Variants in AFG2A observed in about 807,000 individuals in gnomAD.
The protein encoded by AFG2A is AAA ATPase AFG2A, also known as ATPase family gene 2 protein homolog A.
the AFG2A span, among the ~76,000 whole-genome samples, chr4:122,953,497 C>G: frequency 6.6e-6 from 1 of 152,386 alleles, no homozygotes; most frequent in Non-Finnish European, 1.5e-5. Context: ...CATGTGGCCT[C>G]TGGTCCCCAG....
At chr4:123,196,005 TG>T in the AFG2A span, among the ~76,000 whole-genome samples, 2 of 15,156 alleles carry the variant, frequency 1.3e-4, no homozygotes, top group African/African-American at 1.2e-3. Context: ...TTACCATCCT[TG>T]TTTTTTTTTT....
chr4:122,996,728 A>G, the AFG2A span, among the ~76,000 whole-genome samples: 1 of 152,068 alleles, frequency 6.6e-6, no homozygotes, highest in East Asian at 1.9e-4. Context: ...TGTAGAAGGT[A>G]GTGTGACTCA....
chr4:122,981,995 C>A, the AFG2A span, among the ~76,000 whole-genome samples: 2 of 150,732 alleles, frequency 1.3e-5, no homozygotes, highest in African/African-American at 2.4e-5. Context: ...CTTTTTATTT[C>A]TTTTTCTTGC....
the AFG2A span, among the ~76,000 whole-genome samples, chr4:123,107,670 T>C: frequency 2.0e-4 from 30 of 152,314 alleles, no homozygotes; most frequent in Admixed American, 1.4e-3. Context: ...TCACCAGGAA[T>C]GTGCCATCCA....
At chr4:123,151,074 A>G in the AFG2A span, among the ~76,000 whole-genome samples, 1,055 of 152,330 alleles carry the variant, frequency 6.9e-3, 6 homozygotes, top group African/African-American at 0.023. Context: ...ATATGCAGAA[A>G]AAATGAAACT....
chr4:123,152,378 G>A, the AFG2A span, among the ~76,000 whole-genome samples: 2 of 152,186 alleles, frequency 1.3e-5, no homozygotes, highest in Admixed American at 6.5e-5. Context: ...ATAAAGGACT[G>A]TTATCCAAAA....
chr4:122,984,685 T>G, the AFG2A span, among the ~76,000 whole-genome samples: 1 of 152,244 alleles, frequency 6.6e-6, no homozygotes, highest in Non-Finnish European at 1.5e-5. Flanking sequence ...TGTTGAGTAC[T>G]TTTTCTGCAT....
chr4:123,005,151 TTTC>T, the AFG2A span, among the ~76,000 whole-genome samples: 1 of 152,258 alleles, frequency 6.6e-6, no homozygotes, highest in East Asian at 1.9e-4. Context: ...ATTGCCTTTC[TTTC>T]TTCTTTTTTT....
chr4:122,947,391 G>T, the AFG2A span: 1 of 1,614,018 alleles, frequency 6.2e-7, no homozygotes, highest in Non-Finnish European at 8.5e-7. Context: ...TGCTTCGAAG[G>T]GTACCCCATT....
chr4:122,988,455 G>C, the AFG2A span, among the ~76,000 whole-genome samples: 5 of 147,626 alleles, frequency 3.4e-5, no homozygotes, highest in African/African-American at 5.0e-5. Flanking sequence ...CTGGAGGGTA[G>C]TAGTGTGATC....
chr4:122,978,403 G>A, the AFG2A span, among the ~76,000 whole-genome samples: 2 of 152,242 alleles, frequency 1.3e-5, no homozygotes, highest in Admixed American at 6.5e-5. Context: ...ATCCCAGTGA[G>A]TCTGGCTGAG....
chr4:123,233,550 C>A, the AFG2A span, among the ~76,000 whole-genome samples: 1 of 151,940 alleles, frequency 6.6e-6, no homozygotes, highest in African/African-American at 2.4e-5. Context: ...ACTGACTTGC[C>A]AAGTTAAGTA....
the AFG2A span, among the ~76,000 whole-genome samples, chr4:123,083,779 CT>C: frequency 1.1e-4 from 16 of 151,680 alleles, no homozygotes; most frequent in Non-Finnish European, 2.2e-4. Context: ...CTGTAGTTTT[CT>C]TTTTTTGTGA....
the AFG2A span, among the ~76,000 whole-genome samples, chr4:123,148,899 G>A: frequency 1.3e-5 from 2 of 151,814 alleles, no homozygotes; most frequent in Non-Finnish European, 2.9e-5. Context: ...CTCCCGAGTA[G>A]CTGGGATTAC....
chr4:123,296,930 C>T, the AFG2A span, among the ~76,000 whole-genome samples: 1 of 152,170 alleles, frequency 6.6e-6, no homozygotes, highest in Non-Finnish European at 1.5e-5. Context: ...AGAATTATAG[C>T]ATGAAGTCAA....
At chr4:123,186,344 T>C in the AFG2A span, among the ~76,000 whole-genome samples, 16 of 152,320 alleles carry the variant, frequency 1.1e-4, no homozygotes, top group East Asian at 3.1e-3. Flanking sequence ...CAATGGAAAG[T>C]TTGAATAAAA....
At chr4:123,159,514 A>C in the AFG2A span, among the ~76,000 whole-genome samples, 1 of 152,198 alleles carries the variant, frequency 6.6e-6, no homozygotes, top group African/African-American at 2.4e-5. Flanking sequence ...TGATTTCTGC[A>C]TTTAAAAAAT....
chr4:123,304,679 T>C, the AFG2A span, among the ~76,000 whole-genome samples: 160 of 152,330 alleles, frequency 1.1e-3, no homozygotes, highest in African/African-American at 3.5e-3. Flanking sequence ...TCTTTAAAGC[T>C]ATTTAGTACC....
At chr4:123,216,035 T>C in the AFG2A span, among the ~76,000 whole-genome samples, 1 of 152,178 alleles carries the variant, frequency 6.6e-6, no homozygotes, top group African/African-American at 2.4e-5. Flanking sequence ...TTTAAAGTCT[T>C]GTCCTTTTAT....
Sources: allele counts gnomAD v4.1 joint callset (sites outside exome capture counted in the v4.1 genomes callset), GRCh38; gene constraint gnomAD v4.1.1; transcripts MANE v1.5; gene names NCBI Gene and HGNC (gene_info 2026-07-23, HGNC 2026-07-21).